The following OMA1 variants were observed in gnomAD, a reference collection of about 807,000 sequenced individuals.
OMA1 encodes the protein metalloendopeptidase OMA1, mitochondrial.
Under a neutral mutation model 30.9 loss-of-function variants are expected in OMA1, and 38 were observed. The observed-to-expected ratio is 1.23, with a 90% CI of 0.95 to 1.61. The LOEUF (loss-of-function observed/expected upper bound fraction) is 1.61, where lower values mean the gene tolerates loss of function less well. OMA1 is among the 40% of genes most tolerant of loss of function. The pLI, the probability that OMA1 is intolerant of heterozygous loss-of-function variation, is 0.00. For synonymous variants in OMA1, 173 were observed against 121.9 expected (o/e 1.42, Z -2.76); for missense variants, 461 against 349.2 (o/e 1.32, Z -2.55).
chr1:58,507,579 C>T (rs1646008699), intron 7 of OMA1, among the ~76,000 whole-genome samples: 1 of 151,762 alleles, frequency 6.6e-6, no homozygotes, highest in African/African-American at 2.4e-5. Context: ...TATGGATATA[C>T]ATGTTTATAT....
intron 8 of OMA1, among the ~76,000 whole-genome samples, chr1:58,494,560 A>G (rs1390393129): frequency 6.6e-6 from 1 of 152,194 alleles, no homozygotes; most frequent in African/African-American, 2.4e-5. Context: ...ATGAACTCAA[A>G]CAAATTTACA....
intron 8 of OMA1, among the ~76,000 whole-genome samples, chr1:58,494,570 A>C (rs1645761048): frequency 6.6e-6 from 1 of 152,208 alleles, no homozygotes; most frequent in Admixed American, 6.5e-5. Flanking sequence ...ACAAATTTAC[A>C]AGAAAAAAAC....
At chr1:58,502,154 G>T (rs1645917443) in intron 8 of OMA1, among the ~76,000 whole-genome samples, 1 of 152,092 alleles carries the variant, frequency 6.6e-6, no homozygotes, top group African/African-American at 2.4e-5. Flanking sequence ...TGATATGCAA[G>T]GGATCCAATA....
intron 7 of OMA1, among the ~76,000 whole-genome samples, chr1:58,515,426 G>C (rs1456504430): frequency 2.0e-5 from 3 of 152,002 alleles, no homozygotes; most frequent in Non-Finnish European, 4.4e-5. Context: ...AATAAATTAA[G>C]TTTTAATAAA....
At chr1:58,500,478 G>A (rs1414631470) in intron 8 of OMA1, among the ~76,000 whole-genome samples, 6 of 152,012 alleles carry the variant, frequency 3.9e-5, no homozygotes, top group Admixed American at 3.3e-4. Context: ...TGATTTACAC[G>A]AGTTCAAACC....
At chr1:58,488,088 G>A (rs1428857474) in intron 8 of OMA1, among the ~76,000 whole-genome samples, 1 of 151,830 alleles carries the variant, frequency 6.6e-6, no homozygotes, top group Non-Finnish European at 1.5e-5. Flanking sequence ...TTCTAATATA[G>A]ACATTTAAAC....
chr1:58,490,792 ATTC>A lies in OMA1; in HGVS notation c.1366-9621_1366-9619del, dbSNP rs1557438596. On this transcript the variant is annotated intron_variant, in intron 8 of 8. Transcript: ENST00000371226. Reference sequence around the variant, plus strand: ...AAGAGAGTGGGGGCCAATAGTCAACATTCTTTTTTTTTTTTTTTTTTTTTTTTT... The same window carrying A: ...AAGAGAGTGGGGGCCAATAGTCAACATTTTTTTTTTTTTTTTTTTTTTTTT... 6.7e-4 allele frequency among the ~76,000 whole-genome samples: 65 copies of A among 97,270 alleles called. 1 individual carries two copies. Among genetic ancestry groups the A allele is most frequent in the African/African-American group, 2.1e-3 (57 of 27,518 alleles). The allele number at this position is 97,270 out of a possible 152,430, so 63.8% of individuals were successfully genotyped here. A position where few individuals can be genotyped will look rare whatever the true frequency, so the allele number is the denominator to read the frequency against.
intron 5 of OMA1, 119 bp from the exon 6 acceptor site, chr1:58,530,848 C>T: frequency 1.6e-6 from 1 of 621,578 alleles, no homozygotes; most frequent in East Asian, 2.8e-5. Flanking sequence ...ACTGAGAGTT[C>T]TCTTTTTCTT....
At chr1:58,510,508 A>G (rs1398012524) in intron 7 of OMA1, among the ~76,000 whole-genome samples, 1 of 152,096 alleles carries the variant, frequency 6.6e-6, no homozygotes, top group Non-Finnish European at 1.5e-5. Context: ...AAAGCCCACA[A>G]CTAGCATCAC....
intron 7 of OMA1, among the ~76,000 whole-genome samples, chr1:58,522,550 G>A (rs1455661786): frequency 1.3e-5 from 2 of 151,980 alleles, no homozygotes; most frequent in Non-Finnish European, 2.9e-5. Flanking sequence ...AAAGTTTTTG[G>A]CTATTGCAAT....
chr1:58,527,822 C>T (rs60384481), intron 6 of OMA1, among the ~76,000 whole-genome samples: 34 of 152,286 alleles, frequency 2.2e-4, no homozygotes, highest in African/African-American at 6.3e-4. Flanking sequence ...ATCTTAATTT[C>T]CTTTTTCTTT....
intron 7 of OMA1, among the ~76,000 whole-genome samples, chr1:58,506,889 TA>T (rs1289407102): frequency 2.6e-5 from 4 of 152,076 alleles, no homozygotes; most frequent in African/African-American, 9.7e-5. Context: ...AAGTACAATA[TA>T]AAAGTACATT....
At chr1:58,506,955 A>G (rs1008981326) in intron 7 of OMA1, among the ~76,000 whole-genome samples, 3 of 152,058 alleles carry the variant, frequency 2.0e-5, no homozygotes, top group African/African-American at 7.2e-5. Flanking sequence ...TCCATCATAC[A>G]CTCATATACA....
rs561594480 is a variant in OMA1, at chr1:58,542,046, C to T, written c.-16-2736G>A. ...AGTTTTAATAGTATTATCTATATAT[C>T]AAACCATTTGAAAATTACTCAAATT... On this transcript the variant is annotated intron_variant, in intron 1 of 8. Coordinates refer to ENST00000371226, the MANE Select transcript of OMA1 (RefSeq NM_145243.5). Among the ~76,000 whole-genome samples, 18 of 152,266 alleles carry T rather than the reference C, an allele frequency of 1.2e-4. 1 individual carries two copies. The South Asian group carries it at 3.7e-3, about 32-fold the overall frequency.
At chr1:58,494,872 G>C (rs182683398) in intron 8 of OMA1, among the ~76,000 whole-genome samples, 1 of 152,094 alleles carries the variant, frequency 6.6e-6, no homozygotes, top group African/African-American at 2.4e-5. Flanking sequence ...GATTCCTCAG[G>C]GATCTAGAAC....
chr1:58,505,423 A>T (rs1186471172), intron 8 of OMA1, among the ~76,000 whole-genome samples: 2 of 152,198 alleles, frequency 1.3e-5, no homozygotes, highest in East Asian at 3.9e-4. Flanking sequence ...CCTGATATGG[A>T]AACCATAAAA....
chr1:58,481,059 T>C lies in OMA1; in HGVS notation c.1481A>G (p.Asn494Ser). ...FLEESEKEDL[N>S]ITKKQKMDTL... ...ATCCATTTTCTGTTTCTTCGTGATA[T>C]TTAGGTCTTCTTTCTCTGATTCTTC... The change falls in exon 9 of 9, where the codon AAT becomes AGT. Residue 494 changes from asparagine (N) to serine (S), a missense_variant. By Grantham distance (46) the Asn-to-Ser change is conservative. Coordinates refer to ENST00000371226, the MANE Select transcript of OMA1 (RefSeq NM_145243.5). The C allele has an allele frequency of 3.4e-6, 3 of 872,078 alleles. No homozygotes were observed. Among genetic ancestry groups the C allele is most frequent in the Non-Finnish European group, 6.0e-6 (3 of 501,266 alleles). The allele number at this position is 872,078 out of a possible 1,614,324, so 54.0% of individuals were successfully genotyped here.
At chr1:58,486,325 G>A (rs902304522) in intron 8 of OMA1, among the ~76,000 whole-genome samples, 2 of 152,136 alleles carry the variant, frequency 1.3e-5, no homozygotes, top group African/African-American at 4.8e-5. Context: ...CAAGTTACAT[G>A]GCTGAGTCAG....
chr1:58,541,121 C>T (rs540526654), intron 1 of OMA1, among the ~76,000 whole-genome samples: 3 of 151,752 alleles, frequency 2.0e-5, no homozygotes, highest in Admixed American at 2.0e-4. Flanking sequence ...GCGTGAAACC[C>T]CGTCTCTACT....
Sources: allele counts gnomAD v4.1 joint callset (sites outside exome capture counted in the v4.1 genomes callset), GRCh38; gene constraint gnomAD v4.1.1; transcripts MANE v1.5; gene names NCBI Gene and HGNC (gene_info 2026-07-23, HGNC 2026-07-21).